Variants in MAP3K20 observed in about 807,000 individuals in gnomAD.
The protein encoded by MAP3K20 is mitogen-activated protein kinase kinase kinase 20.
A neutral mutation model predicts 85.7 loss-of-function variants in MAP3K20; 40 were observed. The observed-to-expected ratio is 0.47, with a 90% CI of 0.36 to 0.61. MAP3K20 has a LOEUF of 0.61. MAP3K20 is among the 20% of genes least tolerant of loss of function. The probability of loss-of-function intolerance (pLI) is 0.00; values close to 1 mark genes in which losing one functional copy is unlikely to be tolerated. For missense variants in MAP3K20, 817 were observed against 961.7 expected, an observed-to-expected ratio of 0.85 and a Z score of 1.99; for synonymous variants, 325 against 327.7, an observed-to-expected ratio of 0.99 and a Z score of 0.09.
intron 2 of MAP3K20, among the ~76,000 whole-genome samples, chr2:173,152,412 G>A (rs942344393): frequency 3.3e-5 from 5 of 152,176 alleles, no homozygotes; most frequent in African/African-American, 1.2e-4. Flanking sequence ...TCAGAATACA[G>A]ATTGAAGCCT....
intron 2 of MAP3K20, among the ~76,000 whole-genome samples, chr2:173,152,917 G>T (rs2106229484): frequency 6.6e-6 from 1 of 152,322 alleles, no homozygotes; most frequent in Non-Finnish European, 1.5e-5. Context: ...TGTTGAAGTG[G>T]CTTCTGATTT....
At chr2:173,134,393 C>CATATATATATATATAT in intron 2 of MAP3K20, among the ~76,000 whole-genome samples, 5 of 12,334 alleles carry the variant, frequency 4.1e-4, no homozygotes, top group African/African-American at 6.8e-4. Context: ...TGTCTCTATA[C>CATATATATATATATAT]ATATATATAT....
intron 2 of MAP3K20, among the ~76,000 whole-genome samples, chr2:173,143,824 A>C (rs956524536): frequency 6.6e-6 from 1 of 152,222 alleles, no homozygotes. Flanking sequence ...TATTTAACAA[A>C]GTTACAGGAA....
intron 2 of MAP3K20, among the ~76,000 whole-genome samples, chr2:173,100,404 C>T (rs1159809593): frequency 6.6e-6 from 1 of 152,224 alleles, no homozygotes; most frequent in Non-Finnish European, 1.5e-5. Flanking sequence ...TCTTCCTTGC[C>T]AGCCTCACAA....
intron 2 of MAP3K20, among the ~76,000 whole-genome samples, chr2:173,145,113 G>A (rs1052636516): frequency 6.6e-6 from 1 of 152,060 alleles, no homozygotes; most frequent in Admixed American, 6.5e-5. Flanking sequence ...ATGTAAAAGC[G>A]AAAACTATAG....
chr2:173,190,238 G>A (rs559181961), intron 5 of MAP3K20, among the ~76,000 whole-genome samples: 8 of 152,120 alleles, frequency 5.3e-5, no homozygotes, highest in Non-Finnish European at 7.4e-5. Context: ...TCATCTGACC[G>A]CCCTCGACAC....
chr2:173,199,130 T>G (rs1690949210), intron 8 of MAP3K20, among the ~76,000 whole-genome samples: 1 of 152,240 alleles, frequency 6.6e-6, no homozygotes, highest in South Asian at 2.1e-4. Context: ...TATTCCCTTT[T>G]AATGCTCTAA....
chr2:173,259,130 T>C (rs1685229503), intron 17 of MAP3K20, among the ~76,000 whole-genome samples: 1 of 152,162 alleles, frequency 6.6e-6, no homozygotes, highest in South Asian at 2.1e-4. Flanking sequence ...ACGATGAAAA[T>C]ATTTACTTCA....
intron 7 of MAP3K20, among the ~76,000 whole-genome samples, chr2:173,196,804 G>A (rs867581840): frequency 3.9e-5 from 6 of 152,068 alleles, no homozygotes; most frequent in South Asian, 4.2e-4. Flanking sequence ...CTCCCAGGGC[G>A]CCATACCTAA....
chr2:173,231,950 T>C (rs1181817769), intron 12 of MAP3K20, among the ~76,000 whole-genome samples: 1 of 152,048 alleles, frequency 6.6e-6, no homozygotes, highest in Admixed American at 6.6e-5. Flanking sequence ...TTTAAAAATA[T>C]CTCCCAAAGA....
rs80036402 is a variant in MAP3K20 at position 173,105,391 on chromosome 2, G to A, written c.159+14201G>A. On this transcript the variant is annotated intron_variant, in intron 2 of 19. Coordinates refer to ENST00000375213, the MANE Select transcript of MAP3K20 (RefSeq NM_016653.3). Reference sequence around the variant, plus strand: ...CTGAGGAGATGGAAAGATGTGCGTGGGCGCAAGGGAAATCAAGAGAGGAGC... The same window carrying A: ...CTGAGGAGATGGAAAGATGTGCGTGAGCGCAAGGGAAATCAAGAGAGGAGC... Among the ~76,000 whole-genome samples the A allele has an allele frequency of 5.8e-3, 884 of 152,258 alleles. 6 individuals are homozygous for A. Among genetic ancestry groups the A allele is most frequent in the Non-Finnish European group, 8.6e-3 (588 of 68,018 alleles).
intron 3 of MAP3K20, among the ~76,000 whole-genome samples, chr2:173,177,551 G>A (rs555269296): frequency 6.8e-6 from 1 of 147,794 alleles, no homozygotes; most frequent in Non-Finnish European, 1.5e-5. Flanking sequence ...AGGTTCAAGC[G>A]ATTCTCCTGC....
At chr2:173,260,731 TG>T (rs1245456366) in intron 17 of MAP3K20, among the ~76,000 whole-genome samples, 1 of 152,236 alleles carries the variant, frequency 6.6e-6, no homozygotes, top group African/African-American at 2.4e-5. Context: ...TCTTAATTGT[TG>T]GGAAGTTTTC....
intron 11 of MAP3K20, among the ~76,000 whole-genome samples, chr2:173,217,457 G>A (rs550177129): frequency 3.3e-5 from 5 of 152,212 alleles, no homozygotes; most frequent in Non-Finnish European, 7.3e-5. Flanking sequence ...TAAAAGAAAA[G>A]CTTATCCTAT....
chr2:173,160,206 C>T (rs188321068), intron 2 of MAP3K20: 1 of 152,108 alleles, frequency 6.6e-6, no homozygotes, highest in Non-Finnish European at 1.5e-5. Context: ...GAAAAAGAAC[C>T]TATGGAATTG....
intron 1 of MAP3K20, among the ~76,000 whole-genome samples, chr2:173,089,063 C>G (rs1240203534): frequency 6.6e-6 from 1 of 152,154 alleles, no homozygotes; most frequent in Non-Finnish European, 1.5e-5. Flanking sequence ...GATGGCTAGC[C>G]AGCTGCATGC....
At chr2:173,099,486 GTTTTA>G (rs1184229807) in intron 2 of MAP3K20, among the ~76,000 whole-genome samples, 3 of 151,774 alleles carry the variant, frequency 2.0e-5, no homozygotes, top group Admixed American at 2.0e-4. Context: ...TCACTCAGCT[GTTTTA>G]TTTTGTCTTT....
intron 2 of MAP3K20, among the ~76,000 whole-genome samples, chr2:173,121,688 G>A (rs1688297741): frequency 6.6e-6 from 1 of 152,090 alleles, no homozygotes; most frequent in Non-Finnish European, 1.5e-5. Context: ...CGCCCGGCTG[G>A]AGAACAAATT....
chr2:173,231,383 G>C (rs1465953353), intron 12 of MAP3K20, among the ~76,000 whole-genome samples: 2 of 152,226 alleles, frequency 1.3e-5, no homozygotes, highest in African/African-American at 4.8e-5. Flanking sequence ...TTTCCTGCCA[G>C]CCTTGCTTAA....
Sources: gnomAD v4.1 joint callset for allele counts (sites outside exome capture counted in the v4.1 genomes callset) on GRCh38, gnomAD v4.1.1 for gene constraint, MANE v1.5 for transcripts, NCBI Gene and HGNC (gene_info 2026-07-23, HGNC 2026-07-21) for gene names.